Variants in PXDNL observed in about 807,000 individuals in gnomAD.
PXDNL encodes peroxidasin like.
A neutral mutation model predicts 150.8 loss-of-function variants in PXDNL; 145 were observed. The ratio of observed to expected loss-of-function variants is 0.96; its 90% CI spans 0.84 to 1.10. PXDNL has a LOEUF of 1.10. Among genes scored for constraint, PXDNL ranks in the 50% least tolerant of loss-of-function variants. The probability of loss-of-function intolerance (pLI) is 0.00; values close to 1 mark genes in which losing one functional copy is unlikely to be tolerated. For missense variants in PXDNL, 2,087 were observed against 1,873.9 expected (o/e 1.11, Z -2.10); for synonymous variants, 757 against 725.7 (o/e 1.04, Z -0.69).
intron 2 of PXDNL, among the ~76,000 whole-genome samples, chr8:51,615,916 G>A (rs911254366): frequency 6.6e-6 from 1 of 152,180 alleles, no homozygotes; most frequent in African/African-American, 2.4e-5. Flanking sequence ...CACCACGGCA[G>A]CCTGAACATG....
chr8:51,768,911 C>T (rs1010353523), intron 1 of PXDNL, among the ~76,000 whole-genome samples: 4 of 152,112 alleles, frequency 2.6e-5, no homozygotes, highest in African/African-American at 7.2e-5. Flanking sequence ...CTGGCTAACA[C>T]AGTGAAACCC....
Position 51,346,547 on chromosome 8 carries a change from C to T in PXDNL, c.3902-600G>A, listed in dbSNP as rs564365497. Reference sequence around the variant, plus strand: ...TTAAAAAGTGGTCTCTGATATAGTACGGATATCCCCCTCAAACCTGCTGTT... The same window carrying T: ...TTAAAAAGTGGTCTCTGATATAGTATGGATATCCCCCTCAAACCTGCTGTT... On this transcript the variant is annotated intron_variant, in intron 19 of 22. Transcript: ENST00000356297. Among the ~76,000 whole-genome samples the T allele has an allele frequency of 1.1e-4, 17 of 152,220 alleles. 1 individual carries two copies. The highest frequency in any genetic ancestry group is 4.1e-4 in the African/African-American group (17 of 41,526).
At chr8:51,800,459 G>A (rs2037606531) in intron 1 of PXDNL, among the ~76,000 whole-genome samples, 1 of 152,144 alleles carries the variant, frequency 6.6e-6, no homozygotes, top group Non-Finnish European at 1.5e-5. Flanking sequence ...GGAGAAGAAA[G>A]GCTTCCCCAA....
At chr8:51,686,476 C>T (rs73678956) in intron 1 of PXDNL, among the ~76,000 whole-genome samples, 4,156 of 152,164 alleles carry the variant, frequency 0.027, 202 homozygotes, top group African/African-American at 0.095. Context: ...GTTCCCCAAT[C>T]GGGGGGGCAA....
intron 12 of PXDNL, among the ~76,000 whole-genome samples, chr8:51,432,882 T>C (rs1025012194): frequency 6.6e-6 from 1 of 152,198 alleles, no homozygotes; most frequent in Non-Finnish European, 1.5e-5. Flanking sequence ...CATTACAACA[T>C]TGAGTACATG....
chr8:51,789,513 G>A (rs1446619173), intron 1 of PXDNL, among the ~76,000 whole-genome samples: 1 of 152,130 alleles, frequency 6.6e-6, no homozygotes, highest in Non-Finnish European at 1.5e-5. Context: ...AAAACCCAGA[G>A]GCTTGGGGAT....
intron 19 of PXDNL, among the ~76,000 whole-genome samples, chr8:51,363,487 T>G (rs922809637): frequency 1.3e-5 from 2 of 152,012 alleles, no homozygotes; most frequent in Non-Finnish European, 2.9e-5. Context: ...GGGTAGTGAT[T>G]GATTGAGCAA....
At chr8:51,383,536 A>G (rs1449359618) in intron 17 of PXDNL, among the ~76,000 whole-genome samples, 1 of 152,210 alleles carries the variant, frequency 6.6e-6, no homozygotes, top group Non-Finnish European at 1.5e-5. Flanking sequence ...TGCAGACAAC[A>G]TGAGAGAGTA....
chr8:51,333,453 T>C (rs554149567), intron 21 of PXDNL, among the ~76,000 whole-genome samples: 1 of 152,228 alleles, frequency 6.6e-6, no homozygotes, highest in South Asian at 2.1e-4. Flanking sequence ...AAACAAAGTA[T>C]GCAGGCAACA....
chr8:51,377,817 C>T (rs955375694), intron 17 of PXDNL, among the ~76,000 whole-genome samples: 13 of 152,206 alleles, frequency 8.5e-5, no homozygotes, highest in Admixed American at 1.3e-4. Context: ...CGGGCTCCTG[C>T]GCAGCCCCAG....
intron 4 of PXDNL, among the ~76,000 whole-genome samples, chr8:51,556,043 G>T (rs1473096508): frequency 6.6e-6 from 1 of 152,004 alleles, no homozygotes; most frequent in Non-Finnish European, 1.5e-5. Flanking sequence ...AATCTGAGGC[G>T]GGCAGATCTC....
chr8:51,531,916 A>G (rs1167873662), intron 4 of PXDNL, among the ~76,000 whole-genome samples: 1 of 152,250 alleles, frequency 6.6e-6, no homozygotes, highest in African/African-American at 2.4e-5. Context: ...CCCCACCGTC[A>G]TCATCCACAT....
chr8:51,551,530 AC>A (rs1812484493), intron 4 of PXDNL, among the ~76,000 whole-genome samples: 1 of 152,216 alleles, frequency 6.6e-6, no homozygotes, highest in Admixed American at 6.5e-5. Flanking sequence ...CCAAATACTT[AC>A]AGCCAACTGA....
chr8:51,638,017 A>G (rs1318187439), intron 2 of PXDNL, among the ~76,000 whole-genome samples: 3 of 152,250 alleles, frequency 2.0e-5, no homozygotes. Flanking sequence ...CAGAAACTCT[A>G]CAAGCCAGAA....
intron 12 of PXDNL, among the ~76,000 whole-genome samples, chr8:51,440,139 G>A (rs1436409490): frequency 1.3e-5 from 2 of 152,094 alleles, no homozygotes; most frequent in East Asian, 3.9e-4. Context: ...CAACCTGGAT[G>A]GAATTGAAGA....
At chr8:51,695,914 C>T (rs1255621113) in intron 1 of PXDNL, among the ~76,000 whole-genome samples, 2 of 152,148 alleles carry the variant, frequency 1.3e-5, no homozygotes. Flanking sequence ...GGACAACCAG[C>T]TTTTGCAGTT....
intron 1 of PXDNL, among the ~76,000 whole-genome samples, chr8:51,684,326 G>A (rs765483265): frequency 2.6e-5 from 4 of 152,174 alleles, no homozygotes; most frequent in Non-Finnish European, 5.9e-5. Flanking sequence ...GTGTCCCAGC[G>A]CAAAGTAGTC....
chr8:51,559,405 C>T (rs890270006), intron 3 of PXDNL, among the ~76,000 whole-genome samples: 15 of 143,818 alleles, frequency 1.0e-4, no homozygotes, highest in Non-Finnish European at 1.2e-4. Context: ...TAACACCAGT[C>T]ACACAGCTTC....
intron 4 of PXDNL, among the ~76,000 whole-genome samples, chr8:51,534,932 T>A (rs1585558460): frequency 1.3e-5 from 1 of 74,352 alleles, no homozygotes; most frequent in Non-Finnish European, 2.3e-5. Context: ...TGAGGACCCC[T>A]CTGCCCGGCC....
Sources: allele counts gnomAD v4.1 joint callset (sites outside exome capture counted in the v4.1 genomes callset), GRCh38; gene constraint gnomAD v4.1.1; transcripts MANE v1.5; gene names NCBI Gene and HGNC (gene_info 2026-07-23, HGNC 2026-07-21).